CCNB2: variants seen among roughly 807,000 people sequenced by gnomAD.
CCNB2 encodes cyclin B2.
In CCNB2, 39 loss-of-function variants were observed where a neutral mutation model predicts 51.1. The observed-to-expected ratio is 0.76, with a 90% confidence interval of 0.59 to 1.00. The LOEUF (loss-of-function observed/expected upper bound fraction) is 1.00. Among genes scored for constraint, CCNB2 ranks in the 50% least tolerant of loss-of-function variants. The pLI, the probability that CCNB2 is intolerant of heterozygous loss-of-function variation, is 0.00. For synonymous variants in CCNB2, 174 were observed against 165.5 expected (o/e 1.05, Z -0.40); for missense variants, 472 against 470.3 (o/e 1.00, Z -0.03).
intron 3 of CCNB2, among the ~76,000 whole-genome samples, chr15:59,108,229 T>C (rs1488331432): frequency 6.6e-6 from 1 of 152,182 alleles, no homozygotes; most frequent in Non-Finnish European, 1.5e-5. Context: ...TTAAGGAGTC[T>C]GAAAGACTTA....
At chr15:59,112,956 C>T (rs1001703439) in intron 3 of CCNB2, among the ~76,000 whole-genome samples, 3 of 151,810 alleles carry the variant, frequency 2.0e-5, no homozygotes, top group African/African-American at 7.3e-5. Flanking sequence ...ATGGCGTGAA[C>T]CCGGGAGGCG....
Position 59,123,696 on chromosome 15 carries a change from G to C in CCNB2, c.1086+69G>C, listed in dbSNP as rs367645517. On this transcript the variant is annotated intron_variant, in intron 8 of 8. Transcript: ENST00000288207. ...TGGGTTTTGTGTGTATGTTGGGCGGGGGGGGGCGGTGTGTGCCGTCATGTA... is the reference window on the plus strand; with the variant it reads ...TGGGTTTTGTGTGTATGTTGGGCGGCGGGGGGCGGTGTGTGCCGTCATGTA... The C allele has an allele frequency of 1.7e-3, 1,303 of 764,444 alleles. 34 individuals carry two copies. The highest frequency in any genetic ancestry group is 0.015 in the African/African-American group (820 of 54,560). The allele number at this position is 764,444 out of a possible 1,614,324, so 47.4% of individuals were successfully genotyped here. A position where few individuals can be genotyped will look rare whatever the true frequency, so the allele number is the denominator to read the frequency against.
At chr15:59,119,884 T>C (rs577150939) in intron 7 of CCNB2, among the ~76,000 whole-genome samples, 1 of 152,182 alleles carries the variant, frequency 6.6e-6, no homozygotes, top group African/African-American at 2.4e-5. Flanking sequence ...TTTTAAAGTT[T>C]TTTTGTAGAG....
At chr15:59,108,218 G>C (rs530416154) in intron 3 of CCNB2, among the ~76,000 whole-genome samples, 1 of 152,174 alleles carries the variant, frequency 6.6e-6, no homozygotes, top group East Asian at 1.9e-4. Flanking sequence ...ATGTCCTTTC[G>C]TTAAGGAGTC....
chr15:59,123,271 T>C (rs1201057537), intron 7 of CCNB2, among the ~76,000 whole-genome samples: 1 of 152,202 alleles, frequency 6.6e-6, no homozygotes, highest in African/African-American at 2.4e-5. Context: ...AAAGATCGTA[T>C]GGGACCTTTG....
At chr15:59,123,275 A>G (rs1485926488) in intron 7 of CCNB2, among the ~76,000 whole-genome samples, 1 of 152,092 alleles carries the variant, frequency 6.6e-6, no homozygotes, top group Non-Finnish European at 1.5e-5. Flanking sequence ...ATCGTATGGG[A>G]CCTTTGGCAC....
At chr15:59,116,314 GGTT>G (rs766990535) in intron 5 of CCNB2, among the ~76,000 whole-genome samples, 2 of 152,186 alleles carry the variant, frequency 1.3e-5, no homozygotes, top group African/African-American at 2.4e-5. Context: ...GTCAGCATGA[GGTT>G]GTGGGAAGGG....
intron 8 of CCNB2, chr15:59,123,885 C>T (rs1175960793): frequency 3.5e-5 from 14 of 396,230 alleles, no homozygotes; most frequent in Non-Finnish European, 4.7e-5. Context: ...GTCAACCAGT[C>T]GGTTACTCAA....
intron 8 of CCNB2, 70 bp downstream of exon 8, chr15:59,123,697 G>C (rs1057195921): frequency 1.2e-5 from 9 of 755,790 alleles, no homozygotes; most frequent in African/African-American, 9.2e-5. Flanking sequence ...GTTGGGCGGG[G>C]GGGGGCGGTG....
intron 3 of CCNB2, among the ~76,000 whole-genome samples, chr15:59,112,852 G>A (rs1326936836): frequency 2.6e-5 from 4 of 151,490 alleles, no homozygotes; most frequent in Non-Finnish European, 5.9e-5. Flanking sequence ...GGCTAACACG[G>A]TGAAACCCCG....
At chr15:59,107,076 T>G (rs1475292928) in intron 1 of CCNB2, among the ~76,000 whole-genome samples, 2 of 152,186 alleles carry the variant, frequency 1.3e-5, no homozygotes, top group African/African-American at 4.8e-5. Flanking sequence ...ATACTCAGAA[T>G]AGCTTTGCAA....
At position 59,105,282 on chromosome 15, in the gene CCNB2, G is replaced by A. The variant is rs1181647609; in HGVS notation, c.14G>A (p.Arg5Gln). 3 of 1,565,534 alleles carry A rather than the reference G, an allele frequency of 1.9e-6. No individual in the cohort carries two copies. Among genetic ancestry groups the A allele is most frequent in the Admixed American group, 1.8e-5 (1 of 54,492 alleles). The change falls in exon 1 of 9, where the codon CGA becomes CAA. Residue 5 changes from arginine to glutamine, a missense_variant. Arg to Gln is a conservative substitution (Grantham distance 43, BLOSUM62 1). Coordinates refer to ENST00000288207, the MANE Select transcript of CCNB2 (RefSeq NM_004701.4). MALL[R>Q]RPTVSSDLEN... Reference sequence around the variant, plus strand: ...TCCCCGTCCCTCATGGCGCTGCTCCGACGCCCGACGGTGAGTGTGCCCGGG... The same window carrying A: ...TCCCCGTCCCTCATGGCGCTGCTCCAACGCCCGACGGTGAGTGTGCCCGGG...
intron 5 of CCNB2, chr15:59,115,419 T>C (rs1164618479): frequency 1.3e-5 from 2 of 152,462 alleles, no homozygotes; most frequent in Admixed American, 6.5e-5. Context: ...TAAAGAGTAA[T>C]ATAAGAAAAT....
intron 5 of CCNB2, chr15:59,115,622 G>A (rs1193832844): frequency 1.3e-5 from 2 of 152,154 alleles, no homozygotes; most frequent in South Asian, 2.1e-4. Context: ...TCCAAACAAT[G>A]TAATAAAAAT....
intron 3 of CCNB2, 97 bp downstream of exon 3, chr15:59,107,767 C>A (rs868701470): frequency 1.2e-6 from 1 of 834,440 alleles, no homozygotes; most frequent in Non-Finnish European, 1.9e-6. Flanking sequence ...TTCTAACGAA[C>A]ATTCATAGCT....
intron 7 of CCNB2, among the ~76,000 whole-genome samples, chr15:59,117,945 A>G (rs1308865658): frequency 6.6e-6 from 1 of 152,232 alleles, no homozygotes; most frequent in African/African-American, 2.4e-5. Context: ...CTCTTGGGAA[A>G]GAAAGCAAGC....
intron 1 of CCNB2, among the ~76,000 whole-genome samples, 169 bp downstream of exon 1, chr15:59,105,461 G>A (rs1329831738): frequency 6.6e-6 from 1 of 152,202 alleles, no homozygotes; most frequent in East Asian, 1.9e-4. Flanking sequence ...GTCCTCTCCG[G>A]CCCGCCTTTC....
intron 7 of CCNB2, among the ~76,000 whole-genome samples, chr15:59,118,243 T>C (rs772567170): frequency 6.6e-6 from 1 of 152,128 alleles, no homozygotes; most frequent in African/African-American, 2.4e-5. Context: ...AAAAGGATAA[T>C]GTGGAAACAA....
chr15:59,116,962 C>A, intron 6 of CCNB2, 36 bp downstream of exon 6: 1 of 1,513,746 alleles, frequency 6.6e-7, no homozygotes, highest in Non-Finnish European at 9.1e-7. Flanking sequence ...ACTATTTTTG[C>A]TTGGTGTCTC....
Sources: gnomAD v4.1 joint callset for allele counts (sites outside exome capture counted in the v4.1 genomes callset) on GRCh38, gnomAD v4.1.1 for gene constraint, MANE v1.5 for transcripts, NCBI Gene and HGNC (gene_info 2026-07-23, HGNC 2026-07-21) for gene names.